CTNNA2: variants seen among roughly 807,000 people sequenced by gnomAD.
CTNNA2 encodes catenin alpha-2.
CTNNA2 carries 42 observed loss-of-function variants against 101.0 expected under a neutral mutation model. The observed-to-expected ratio is 0.42, with a 90% CI of 0.32 to 0.54. CTNNA2 has a LOEUF of 0.54. CTNNA2 is among the 20% of genes least tolerant of loss of function. The probability of loss-of-function intolerance (pLI) is 0.14; values close to 1 mark genes in which losing one functional copy is unlikely to be tolerated. For synonymous variants in CTNNA2, 450 were observed against 456.4 expected (o/e 0.99, Z 0.18); for missense variants, 871 against 1,223.1 (o/e 0.71, Z 4.29).
chr2:80,367,277 G>A (rs77991594), intron 7 of CTNNA2, among the ~76,000 whole-genome samples: 2,666 of 152,132 alleles, frequency 0.018, 81 homozygotes, highest in African/African-American at 0.06. Context: ...TATACAATGC[G>A]GTGTTGTGGA....
chr2:79,967,117 C>CGTGTGTGT lies in CTNNA2; in HGVS notation c.1056+57335_1056+57342dup, dbSNP rs56007530. On this transcript the variant is annotated intron_variant, in intron 7 of 18. Transcript: ENST00000402739. Reference sequence around the variant, plus strand: ...CTATGCGTGCACACACGCGCACGCACGTGTGTGTGTGTGTGTGTGTGTATG... The same window carrying CGTGTGTGT: ...CTATGCGTGCACACACGCGCACGCACGTGTGTGTGTGTGTGTGTGTGTGTGTGTGTATG... Among the ~76,000 whole-genome samples the CGTGTGTGT allele has an allele frequency of 2.7e-5, 4 of 149,672 alleles. No individual in the cohort carries two copies. In the East Asian group the frequency reaches 6.0e-4, roughly 22 times the overall value.
intron 17 of CTNNA2, chr2:80,616,362 G>A (rs917565121): frequency 6.6e-6 from 1 of 151,550 alleles, no homozygotes. Context: ...CCCTCTTATT[G>A]AGATATTTCT....
intron 7 of CTNNA2, among the ~76,000 whole-genome samples, chr2:80,113,319 C>A (rs77375607): frequency 6.6e-6 from 1 of 152,086 alleles, no homozygotes; most frequent in Non-Finnish European, 1.5e-5. Context: ...TTTTTAAATG[C>A]GTTAATCACA....
intron 9 of CTNNA2, among the ~76,000 whole-genome samples, chr2:80,483,278 CAT>C (rs1233714009): frequency 2.0e-5 from 3 of 151,624 alleles, no homozygotes; most frequent in African/African-American, 4.8e-5. Context: ...AAAAAGTGTA[CAT>C]GTTTCTATTC....
At chr2:79,698,320 A>G (rs1293556859) in intron 2 of CTNNA2, among the ~76,000 whole-genome samples, 1 of 152,042 alleles carries the variant, frequency 6.6e-6, no homozygotes, top group Non-Finnish European at 1.5e-5. Context: ...ATATTCCTAT[A>G]TTTAGACAGT....
chr2:79,758,878 G>A (rs1672578795), intron 3 of CTNNA2, among the ~76,000 whole-genome samples: 1 of 152,106 alleles, frequency 6.6e-6, no homozygotes, highest in Non-Finnish European at 1.5e-5. Context: ...CCATGAGTCT[G>A]CTTTTGAAAA....
intron 9 of CTNNA2, among the ~76,000 whole-genome samples, chr2:80,475,469 T>G (rs1365528238): frequency 6.6e-6 from 1 of 152,170 alleles, no homozygotes; most frequent in African/African-American, 2.4e-5. Flanking sequence ...TTTACTTATT[T>G]TGATAAGTAA....
intron 4 of CTNNA2, among the ~76,000 whole-genome samples, chr2:79,441,761 G>C (rs1303188119): frequency 6.6e-6 from 1 of 152,006 alleles, no homozygotes; most frequent in African/African-American, 2.4e-5. Context: ...CATTGTACTT[G>C]GAATAAAACT....
chr2:79,744,273 T>G (rs1671489387), intron 2 of CTNNA2, 114 bp from the exon 3 acceptor site: 2 of 1,010,224 alleles, frequency 2.0e-6, no homozygotes, highest in Non-Finnish European at 2.8e-6. Context: ...CATTCATGAT[T>G]TAGTATTGAA....
intron 7 of CTNNA2, among the ~76,000 whole-genome samples, chr2:79,955,543 C>G (rs532135720): frequency 5.9e-5 from 9 of 152,262 alleles, no homozygotes; most frequent in African/African-American, 2.2e-4. Context: ...AGTTTGTCTG[C>G]AAACAGTTCT....
At chr2:79,977,042 C>A (rs537580685) in intron 7 of CTNNA2, among the ~76,000 whole-genome samples, 1 of 152,156 alleles carries the variant, frequency 6.6e-6, no homozygotes, top group Non-Finnish European at 1.5e-5. Flanking sequence ...CTTTCTGATT[C>A]ACACAGAGCT....
intron 4 of CTNNA2, among the ~76,000 whole-genome samples, chr2:79,485,110 T>C (rs1198693141): frequency 6.6e-6 from 1 of 152,192 alleles, no homozygotes; most frequent in Non-Finnish European, 1.5e-5. Flanking sequence ...ACAGACCAAA[T>C]GGTTAATGGT....
chr2:79,224,928 C>T, intron 2 of CTNNA2, among the ~76,000 whole-genome samples: 1 of 151,734 alleles, frequency 6.6e-6, no homozygotes, highest in East Asian at 1.9e-4. Flanking sequence ...TTTCAAGACA[C>T]ATCCATGTGG....
rs565046342 is a variant in CTNNA2 at position 80,622,726 on chromosome 2, G to T, written c.2574+3498G>T. Among the ~76,000 whole-genome samples the T allele has an allele frequency of 2.6e-5, 4 of 151,910 alleles. No individual in the cohort carries two copies. In the East Asian group the frequency reaches 7.9e-4, roughly 30 times the overall value. Reference sequence around the variant, plus strand: ...CGGTGGATATTTTGCCTCACGTAGGGAAAACTGTTTTTGTATTTCTTGCCA... The same window carrying T: ...CGGTGGATATTTTGCCTCACGTAGGTAAAACTGTTTTTGTATTTCTTGCCA... On this transcript the variant is annotated intron_variant, in intron 18 of 18. Transcript: ENST00000402739.
intron 2 of CTNNA2, among the ~76,000 whole-genome samples, chr2:79,740,487 T>C (rs1047454579): frequency 6.6e-6 from 1 of 152,150 alleles, no homozygotes; most frequent in Non-Finnish European, 1.5e-5. Context: ...AGCCCTAATA[T>C]GCATTTTCTA....
chr2:80,425,649 C>T (rs1206320194), intron 9 of CTNNA2, among the ~76,000 whole-genome samples: 2 of 152,018 alleles, frequency 1.3e-5, no homozygotes, highest in African/African-American at 2.4e-5. Context: ...TGGTTTTAGT[C>T]CTTCAACATT....
intron 3 of CTNNA2, among the ~76,000 whole-genome samples, chr2:79,852,595 G>A (rs1248864675): frequency 1.3e-5 from 2 of 152,110 alleles, no homozygotes; most frequent in African/African-American, 4.8e-5. Flanking sequence ...GTTTTGAGAC[G>A]GAGCTTCACT....
At chr2:79,580,260 G>A (rs1487026404) in intron 1 of CTNNA2, among the ~76,000 whole-genome samples, 1 of 152,112 alleles carries the variant, frequency 6.6e-6, no homozygotes, top group Non-Finnish European at 1.5e-5. Context: ...CCTTATTGTG[G>A]TCAGAGGGCG....
At chr2:80,582,162 A>T (rs898653194) in intron 14 of CTNNA2, among the ~76,000 whole-genome samples, 1 of 152,150 alleles carries the variant, frequency 6.6e-6, no homozygotes, top group African/African-American at 2.4e-5. Context: ...GCATTGGCAC[A>T]GTCACCATTG....
Sources: allele counts gnomAD v4.1 joint callset (sites outside exome capture counted in the v4.1 genomes callset), GRCh38; gene constraint gnomAD v4.1.1; transcripts MANE v1.5; gene names NCBI Gene and HGNC (gene_info 2026-07-23, HGNC 2026-07-21).